CLTC: variants seen among roughly 807,000 people sequenced by gnomAD.
The protein encoded by CLTC is clathrin heavy chain.
A neutral mutation model predicts 195.8 loss-of-function variants in CLTC; 16 were observed. The ratio of observed to expected loss-of-function variants is 0.08; its 90% CI spans 0.06 to 0.12. CLTC has a LOEUF of 0.12. Ranked by LOEUF, CLTC falls within the 10% of genes least tolerant of loss-of-function variation. The pLI is 1.00. For missense variants in CLTC, 796 were observed against 2,027.0 expected, an observed-to-expected ratio of 0.39 and a Z score of 11.66; for synonymous variants, 667 against 689.4, an observed-to-expected ratio of 0.97 and a Z score of 0.51.
At chr17:59,690,924 T>C (rs752239836) in intron 31 of CLTC, 8 of 423,698 alleles carry the variant, frequency 1.9e-5, no homozygotes, top group South Asian at 5.3e-5. Context: ...AACTCAAAAA[T>C]AGTCATTTAA....
intron 5 of CLTC, among the ~76,000 whole-genome samples, chr17:59,655,317 A>G (rs904228461): frequency 6.6e-6 from 1 of 152,220 alleles, no homozygotes; most frequent in African/African-American, 2.4e-5. Flanking sequence ...AACACACACA[A>G]TATTTATCAG....
Position 59,654,055 on chromosome 17 carries a change from G to A in CLTC, c.796-1799G>A, listed in dbSNP as rs141744726. On this transcript the variant is annotated intron_variant, in intron 5 of 31. Coordinates refer to ENST00000269122, the MANE Select transcript of CLTC (RefSeq NM_004859.4). ...CCCAAAGTGCTGGGATCACAGGCGT[G>A]AGCCACCATGCCCAGCCCAGGCTGG... Among the ~76,000 whole-genome samples the A allele has an allele frequency of 5.9e-3, 891 of 152,096 alleles. 6 individuals carry two copies. Among genetic ancestry groups the A allele is most frequent in the Non-Finnish European group, 9.0e-3 (613 of 67,990 alleles).
chr17:59,693,699 C>T (rs188622903), intron 31 of CLTC, 29 bp from the exon 32 acceptor site: 2 of 1,601,890 alleles, frequency 1.2e-6, no homozygotes, highest in Admixed American at 1.7e-5. Flanking sequence ...CCCCTGCCCC[C>T]TGCTCCTTTT....
Position 59,696,482 on chromosome 17 carries a change from C to T in CLTC, c.*2630C>T, listed in dbSNP as rs557071101. ...CATCATTACAGTTCTTGGGGATACA[C>T]TGATTTTAGAAATTACTGTCAGTAT... On this transcript the variant is annotated 3_prime_UTR_variant, in exon 32 of 32. Transcript: ENST00000269122. The T allele has an allele frequency of 3.9e-4, 82 of 212,376 alleles. No homozygotes were observed. The highest frequency in any genetic ancestry group is 1.8e-3 in the African/African-American group (78 of 44,006). 13.2% of individuals were successfully genotyped at this position (212,376 alleles called of 1,614,324 possible).
At chr17:59,679,657 T>TA in intron 18 of CLTC, 138 bp downstream of exon 18, 1 of 572,152 alleles carries the variant, frequency 1.7e-6, no homozygotes, top group African/African-American at 1.9e-5. Flanking sequence ...AGAAGAAAAT[T>TA]AAAATTTATA....
At chr17:59,651,132 C>A in intron 4 of CLTC, 71 bp from the exon 5 acceptor site, 2 of 926,168 alleles carry the variant, frequency 2.2e-6, no homozygotes, top group South Asian at 1.6e-5. Flanking sequence ...CATTTGGGGG[C>A]TACAAATAAA....
chr17:59,644,533 T>G (rs2032133451), intron 2 of CLTC, 50 bp downstream of exon 2: 1 of 1,363,818 alleles, frequency 7.3e-7, no homozygotes, highest in Non-Finnish European at 1.0e-6. Flanking sequence ...GTTTTTGTTT[T>G]TTTTTGTTTT....
At chr17:59,655,432 G>A (rs941392076) in intron 5 of CLTC, among the ~76,000 whole-genome samples, 1 of 152,206 alleles carries the variant, frequency 6.6e-6, no homozygotes, top group Non-Finnish European at 1.5e-5. Context: ...ATAATGAAAA[G>A]GTTTGAAATA....
At chr17:59,676,278 T>C (rs2032964177) in intron 16 of CLTC, among the ~76,000 whole-genome samples, 1 of 152,064 alleles carries the variant, frequency 6.6e-6, no homozygotes, top group African/African-American at 2.4e-5. Context: ...CTTGATGGAG[T>C]GTTTATATGA....
intron 8 of CLTC, 46 bp from the exon 9 acceptor site, chr17:59,663,796 A>G: frequency 1.3e-6 from 2 of 1,565,486 alleles, no homozygotes; most frequent in African/African-American, 1.4e-5. Context: ...GCTCATTTCT[A>G]AAACAGTTCA....
intron 3 of CLTC, among the ~76,000 whole-genome samples, chr17:59,647,881 T>G (rs1029956018): frequency 6.6e-6 from 1 of 152,126 alleles, no homozygotes; most frequent in East Asian, 1.9e-4. Flanking sequence ...ACATATAATT[T>G]CAGAATGCTC....
At chr17:59,656,085 AT>A in intron 6 of CLTC, 58 bp downstream of exon 6, 1 of 1,417,196 alleles carries the variant, frequency 7.1e-7, no homozygotes, top group Non-Finnish European at 9.5e-7. Context: ...GTTGGGAACA[AT>A]CCTGTCCTTT....
chr17:59,631,209 GTTTCTTCTGAGACACTGC>G (rs2031705013), intron 1 of CLTC, among the ~76,000 whole-genome samples: 1 of 152,090 alleles, frequency 6.6e-6, no homozygotes, highest in African/African-American at 2.4e-5. Context: ...GATTGTTTCC[GTTTCTTCTGAGACACTGC>G]ATATACCCCT....
chr17:59,669,737 T>TATATAA (rs34143309), intron 14 of CLTC, among the ~76,000 whole-genome samples: 2,392 of 151,552 alleles, frequency 0.016, 42 homozygotes, highest in African/African-American at 0.049. Context: ...TATATATATA[T>TATATAA]AATGATTCCT....
intron 28 of CLTC, among the ~76,000 whole-genome samples, chr17:59,684,805 T>TA (rs2033146691): frequency 7.0e-5 from 2 of 28,514 alleles, no homozygotes. Context: ...AGACTCCATC[T>TA]CAAAAAAAAA....
intron 1 of CLTC, among the ~76,000 whole-genome samples, chr17:59,621,994 T>C (rs1283213141): frequency 6.6e-6 from 1 of 152,224 alleles, no homozygotes; most frequent in East Asian, 1.9e-4. Context: ...CACTACTAAA[T>C]CTTGTGGTGG....
At position 59,667,653 on chromosome 17, in the gene CLTC, T is replaced by C. The variant is rs1168372629; in HGVS notation, c.2128+676T>C. On this transcript the variant is annotated intron_variant, in intron 13 of 31. Transcript: ENST00000269122. ...TTGTAGAGGGGTGTTCCTGTACATGTAGAATATTTAGTAGAATATTCAGCA... is the reference window on the plus strand; with the variant it reads ...TTGTAGAGGGGTGTTCCTGTACATGCAGAATATTTAGTAGAATATTCAGCA... Among the ~76,000 whole-genome samples, 3 of 152,244 alleles carry C rather than the reference T, an allele frequency of 2.0e-5. No homozygotes were observed. The South Asian group carries it at 6.2e-4, about 31-fold the overall frequency.
intron 16 of CLTC, 79 bp from the exon 17 acceptor site, chr17:59,676,875 A>AT (rs2032977995): frequency 9.5e-7 from 1 of 1,051,390 alleles, no homozygotes; most frequent in Non-Finnish European, 1.4e-6. Flanking sequence ...ACCATAAGGT[A>AT]TTTACATAGT....
intron 1 of CLTC, among the ~76,000 whole-genome samples, chr17:59,640,553 T>G (rs1441818578): frequency 6.6e-6 from 1 of 151,776 alleles, no homozygotes; most frequent in East Asian, 2.0e-4. Context: ...TGTGCCACCA[T>G]GGGCCCGGCT....
Sources: allele counts gnomAD v4.1 joint callset (sites outside exome capture counted in the v4.1 genomes callset), GRCh38; gene constraint gnomAD v4.1.1; transcripts MANE v1.5; gene names NCBI Gene and HGNC (gene_info 2026-07-23, HGNC 2026-07-21).